The following COL9A1 variants were observed in gnomAD, a reference collection of about 807,000 sequenced individuals.
The protein encoded by COL9A1 is collagen alpha-1(IX) chain.
COL9A1 carries 104 observed loss-of-function variants against 142.6 expected under a neutral mutation model. That is an observed-to-expected ratio of 0.73 (90% CI 0.62 to 0.86). The LOEUF (loss-of-function observed/expected upper bound fraction) is 0.86, where lower values mean the gene tolerates loss of function less well. Among genes scored for constraint, COL9A1 ranks in the 40% least tolerant of loss-of-function variants. The probability of loss-of-function intolerance (pLI) is 0.00; values close to 1 mark genes in which losing one functional copy is unlikely to be tolerated. For synonymous variants in COL9A1, 466 were observed against 396.0 expected (o/e 1.18, Z -2.10); for missense variants, 1,210 against 1,176.6 (o/e 1.03, Z -0.42).
intron 5 of COL9A1, among the ~76,000 whole-genome samples, chr6:70,288,111 A>G (rs1367186198): frequency 6.6e-6 from 1 of 152,092 alleles, no homozygotes; most frequent in African/African-American, 2.4e-5. Flanking sequence ...CGATCAAACT[A>G]ACTCCAAAAC....
chr6:70,260,645 T>A lies in COL9A1; in HGVS notation c.1449+12A>T. 6.2e-7 allele frequency: 1 copy of A among 1,612,206 alleles called. No homozygotes were observed. The highest frequency in any genetic ancestry group is 8.5e-7 in the Non-Finnish European group (1 of 1,178,780). On this transcript the variant is annotated intron_variant, in intron 20 of 37. Coordinates refer to ENST00000357250, the MANE Select transcript of COL9A1 (RefSeq NM_001851.6). The stretch of plus-strand genomic sequence containing the variant: ...ACATTTTGGTATTATATTATTGTCA[T>A]CACCATCTTACTTTTTCCCCTTTGT...
At chr6:70,232,872 AC>A in intron 35 of COL9A1, 101 bp from the exon 36 acceptor site, 1 of 1,161,968 alleles carries the variant, frequency 8.6e-7, no homozygotes, top group African/African-American at 1.5e-5. Context: ...TAAATGTGTC[AC>A]CAGATCTTCA....
intron 14 of COL9A1, among the ~76,000 whole-genome samples, chr6:70,271,255 G>C (rs1772383241): frequency 6.6e-6 from 1 of 152,096 alleles, no homozygotes; most frequent in Non-Finnish European, 1.5e-5. Flanking sequence ...AATGTTAAAA[G>C]TTAAATTTTG....
At chr6:70,220,380 G>T (rs969473479) in intron 37 of COL9A1, among the ~76,000 whole-genome samples, 13 of 82,742 alleles carry the variant, frequency 1.6e-4, no homozygotes, top group Admixed American at 3.2e-4. Flanking sequence ...GTGTGGAGGG[G>T]TGTGGCAGGG....
At chr6:70,261,373 T>G (rs946498375) in intron 19 of COL9A1, among the ~76,000 whole-genome samples, 2 of 135,162 alleles carry the variant, frequency 1.5e-5, no homozygotes, top group African/African-American at 5.8e-5. Context: ...TTCTGGACTC[T>G]CTGGCCCCCA....
At chr6:70,247,996 T>A (rs1770707222) in intron 28 of COL9A1, among the ~76,000 whole-genome samples, 1 of 152,156 alleles carries the variant, frequency 6.6e-6, no homozygotes, top group Non-Finnish European at 1.5e-5. Flanking sequence ...TAGACAGGCT[T>A]CTGTACACAA....
In COL9A1 at chr6:70,268,694, T is replaced by C. The variant is rs10755539; in HGVS notation, c.1287+110A>G. 87,520 of 931,846 alleles carry C rather than the reference T, an allele frequency of 0.094. 4,636 individuals are homozygous for C. Among genetic ancestry groups the C allele is most frequent in the Middle Eastern group, 0.13 (540 of 4,194 alleles). 57.7% of individuals were successfully genotyped at this position (931,846 alleles called of 1,614,324 possible). A position where few individuals can be genotyped will look rare whatever the true frequency, so the allele number is the denominator to read the frequency against. The stretch of plus-strand genomic sequence containing the variant: ...TTGCTAGGACTGAATAAGCACTACT[T>C]GCCTGATCATCCAAGTGGGGTCTCT... On this transcript the variant is annotated intron_variant, in intron 17 of 37. Coordinates refer to ENST00000357250, the MANE Select transcript of COL9A1 (RefSeq NM_001851.6).
intron 20 of COL9A1, chr6:70,258,440 C>G (rs1047706567): frequency 6.6e-6 from 1 of 152,164 alleles, no homozygotes; most frequent in Non-Finnish European, 1.5e-5. Flanking sequence ...AAGGTTCAGA[C>G]ATAGGTAGAA....
intron 28 of COL9A1, 88 bp downstream of exon 28, chr6:70,252,032 A>G: frequency 7.4e-7 from 1 of 1,352,658 alleles, no homozygotes; most frequent in South Asian, 1.2e-5. Context: ...ATCAGACAGC[A>G]TTCATGGATA....
At chr6:70,302,800 C>T in intron 1 of COL9A1, 111 bp downstream of exon 1, 1 of 1,199,368 alleles carries the variant, frequency 8.3e-7, no homozygotes, top group Non-Finnish European at 1.2e-6. Flanking sequence ...CTGTCTCTCA[C>T]CTTGAGGCTC....
intron 36 of COL9A1, among the ~76,000 whole-genome samples, chr6:70,232,156 A>T (rs1769589674): frequency 6.6e-6 from 1 of 152,232 alleles, no homozygotes. Flanking sequence ...CCTGTTAACA[A>T]ATTTTATTAG....
intron 5 of COL9A1, among the ~76,000 whole-genome samples, chr6:70,288,218 T>A (rs73747741): frequency 0.019 from 2,944 of 152,284 alleles, 80 homozygotes; most frequent in African/African-American, 0.067. Context: ...TACTCGCGCC[T>A]AAAGTAATGG....
intron 28 of COL9A1, 115 bp from the exon 29 acceptor site, chr6:70,242,830 G>A (rs1770352266): frequency 7.7e-6 from 7 of 909,064 alleles, no homozygotes; most frequent in Non-Finnish European, 1.3e-5. Context: ...AAAGGCATAG[G>A]CCATCCTACA....
At chr6:70,243,163 AAAAGAAACAC>A (rs1451766879) in intron 28 of COL9A1, among the ~76,000 whole-genome samples, 1 of 152,252 alleles carries the variant, frequency 6.6e-6, no homozygotes, top group African/African-American at 2.4e-5. Context: ...ACAGAGTGAA[AAAAGAAACAC>A]ATAATAGATA....
Position 70,263,264 on chromosome 6 carries a change from C to A in COL9A1, c.1375G>T (p.Val459Phe), listed in dbSNP as rs1302661247. ...TTTACTGGAGGTCCTTGAGCTCCAA[C>A]TTCTCCGAGTTCTCCCTGGTCACCT... ...EEGDQGELGE[V>F]GAQGPPGAQG... The change falls in exon 19 of 38, where the codon GTT becomes TTT. Residue 459 changes from valine to phenylalanine, a missense_variant. Physicochemically the swap from Val to Phe is conservative, Grantham distance 50. Coordinates refer to ENST00000357250, the MANE Select transcript of COL9A1 (RefSeq NM_001851.6). 19 of 1,609,100 alleles carry A rather than the reference C, an allele frequency of 1.2e-5. No individual in the cohort carries two copies. The highest frequency in any genetic ancestry group is 1.7e-5 in the Admixed American group (1 of 59,922).
Position 70,216,765 on chromosome 6 carries a change from A to G in COL9A1, c.*132T>C, listed in dbSNP as rs1288649228. The stretch of plus-strand genomic sequence containing the variant: ...TGTGATTGTCAAGTAGGACTTCTGT[A>G]ATCATACTGAAGGTAATACATTGTA... On this transcript the variant is annotated 3_prime_UTR_variant, in exon 38 of 38. Coordinates refer to ENST00000357250, the MANE Select transcript of COL9A1 (RefSeq NM_001851.6). 1.1e-6 allele frequency: 1 copy of G among 912,878 alleles called. No homozygotes were observed. Among genetic ancestry groups the G allele is most frequent in the East Asian group, 2.6e-5 (1 of 37,998 alleles). 56.5% of individuals were successfully genotyped at this position (912,878 alleles called of 1,614,324 possible).
At chr6:70,277,131 T>A (rs1772812187) in intron 10 of COL9A1, among the ~76,000 whole-genome samples, 2 of 152,216 alleles carry the variant, frequency 1.3e-5, no homozygotes, top group African/African-American at 4.8e-5. Flanking sequence ...AGTTTAGCTA[T>A]AATTCTTATA....
intron 14 of COL9A1, among the ~76,000 whole-genome samples, chr6:70,271,017 T>C (rs1281220723): frequency 2.6e-5 from 4 of 152,248 alleles, no homozygotes; most frequent in African/African-American, 9.6e-5. Context: ...CCAATTATTT[T>C]AACTTTACAA....
intron 5 of COL9A1, among the ~76,000 whole-genome samples, chr6:70,290,524 C>T (rs1481787207): frequency 6.6e-6 from 1 of 152,066 alleles, no homozygotes; most frequent in African/African-American, 2.4e-5. Flanking sequence ...AGCTATATCA[C>T]AAGCCTATGA....
Sources: allele counts gnomAD v4.1 joint callset (sites outside exome capture counted in the v4.1 genomes callset), GRCh38; gene constraint gnomAD v4.1.1; transcripts MANE v1.5; gene names NCBI Gene and HGNC (gene_info 2026-07-23, HGNC 2026-07-21).